Variants in TSHZ2 observed in about 807,000 individuals in gnomAD.
TSHZ2 encodes the protein teashirt homolog 2.
A neutral mutation model predicts 74.4 loss-of-function variants in TSHZ2; 21 were observed. That is an observed-to-expected ratio of 0.28 (90% CI 0.20 to 0.41). The LOEUF (loss-of-function observed/expected upper bound fraction) is 0.41, where lower values mean the gene tolerates loss of function less well. Ranked by LOEUF, TSHZ2 falls within the 10% of genes least tolerant of loss-of-function variation. The pLI is 1.00. For missense variants in TSHZ2, 1,244 were observed against 1,293.5 expected, an observed-to-expected ratio of 0.96 and a Z score of 0.59; for synonymous variants, 540 against 515.3, an observed-to-expected ratio of 1.05 and a Z score of -0.65.
At position 53,199,347 on chromosome 20, in the gene TSHZ2, G is replaced by A. The variant is rs553444319; in HGVS notation, c.41-54152G>A. ...AAATCAGCCAGGCGTGGTGGCACAC[G>A]CCTGTAATCCCAGCTACTCAGGAAG... On this transcript the variant is annotated intron_variant, in intron 1 of 2. Transcript: ENST00000371497. 9.2e-5 allele frequency among the ~76,000 whole-genome samples: 14 copies of A among 152,180 alleles called. No individual in the cohort carries two copies. In the East Asian group the frequency reaches 1.4e-3, roughly 15 times the overall value.
chr20:53,342,745 T>A (rs961826904), intron 2 of TSHZ2, among the ~76,000 whole-genome samples: 14 of 152,230 alleles, frequency 9.2e-5, no homozygotes, highest in Non-Finnish European at 1.9e-4. Context: ...GCAATCTTTA[T>A]GCTCTGTCTT....
intron 2 of TSHZ2, among the ~76,000 whole-genome samples, chr20:53,462,478 TTTG>T (rs1246443757): frequency 1.3e-5 from 2 of 152,068 alleles, no homozygotes; most frequent in Non-Finnish European, 2.9e-5. Flanking sequence ...CAATAAAGCT[TTTG>T]TTGTTATTCC....
intron 2 of TSHZ2, among the ~76,000 whole-genome samples, chr20:53,414,243 G>C (rs1209918510): frequency 6.6e-6 from 1 of 152,138 alleles, no homozygotes; most frequent in African/African-American, 2.4e-5. Flanking sequence ...CGGGTTACAG[G>C]GGTACTTTAT....
At chr20:53,367,869 C>G (rs1482812875) in intron 2 of TSHZ2, among the ~76,000 whole-genome samples, 1 of 152,130 alleles carries the variant, frequency 6.6e-6, no homozygotes, top group East Asian at 1.9e-4. Context: ...CCACGCCCAG[C>G]CTTCTTATTC....
chr20:53,233,327 A>G (rs1159802371), intron 1 of TSHZ2, among the ~76,000 whole-genome samples: 1 of 152,238 alleles, frequency 6.6e-6, no homozygotes, highest in African/African-American at 2.4e-5. Flanking sequence ...TAACAATTAC[A>G]CAAATAATTG....
chr20:53,315,890 C>T (rs1008212402), intron 2 of TSHZ2, among the ~76,000 whole-genome samples: 3 of 152,062 alleles, frequency 2.0e-5, no homozygotes, highest in African/African-American at 4.8e-5. Context: ...TCCTAGAGGA[C>T]GTGATGTTTC....
At chr20:53,390,785 A>T (rs1020375121) in intron 2 of TSHZ2, among the ~76,000 whole-genome samples, 1 of 152,174 alleles carries the variant, frequency 6.6e-6, no homozygotes, top group African/African-American at 2.4e-5. Context: ...AAGCATTCCT[A>T]TTTCTCCACA....
chr20:53,393,817 A>T (rs1379086209), intron 2 of TSHZ2, among the ~76,000 whole-genome samples: 1 of 152,240 alleles, frequency 6.6e-6, no homozygotes, highest in Non-Finnish European at 1.5e-5. Context: ...GGGAGGTTAC[A>T]TAGGACTCTA....
At chr20:52,997,459 G>A (rs1489244007) in intron 1 of TSHZ2, among the ~76,000 whole-genome samples, 1 of 152,122 alleles carries the variant, frequency 6.6e-6, no homozygotes, top group South Asian at 2.1e-4. Context: ...AATATGAGAC[G>A]AATTCGTGTT....
chr20:53,364,372 AGCAT>A (rs1452479024), intron 2 of TSHZ2, among the ~76,000 whole-genome samples: 3 of 152,370 alleles, frequency 2.0e-5, no homozygotes, highest in Admixed American at 1.3e-4. Context: ...CTTCCCGCTC[AGCAT>A]GTTCAAACAA....
chr20:53,130,716 G>A (rs954454634), intron 1 of TSHZ2, among the ~76,000 whole-genome samples: 16 of 152,218 alleles, frequency 1.1e-4, no homozygotes, highest in Non-Finnish European at 1.2e-4. Context: ...GTGGTTAGGA[G>A]AGAAGATCTC....
intron 2 of TSHZ2, among the ~76,000 whole-genome samples, chr20:53,281,244 G>T (rs536482461): frequency 6.6e-6 from 1 of 152,298 alleles, no homozygotes; most frequent in East Asian, 1.9e-4. Context: ...TGACATTTTT[G>T]CTGAGACCTA....
intron 1 of TSHZ2, among the ~76,000 whole-genome samples, chr20:53,147,244 A>AGTGACG: frequency 6.6e-6 from 1 of 152,358 alleles, no homozygotes; most frequent in South Asian, 2.1e-4. Flanking sequence ...TTTTAGTGAC[A>AGTGACG]ATTGATGGGT....
In TSHZ2 at chr20:53,278,853, G is replaced by T. The variant is rs373678430; in HGVS notation, c.*8+22282G>T. ...TACAGCTGACCCTTGAACAATGAGGGAGTTAGCAGTGCTGATCCTCTGCAT... is the reference window on the plus strand; with the variant it reads ...TACAGCTGACCCTTGAACAATGAGGTAGTTAGCAGTGCTGATCCTCTGCAT... On this transcript the variant is annotated intron_variant, in intron 2 of 2. Transcript: ENST00000371497. Among the ~76,000 whole-genome samples, 11 of 152,246 alleles carry T rather than the reference G, an allele frequency of 7.2e-5. No homozygotes were observed. The East Asian group carries it at 1.7e-3, about 24-fold the overall frequency.
intron 2 of TSHZ2, among the ~76,000 whole-genome samples, chr20:53,394,590 G>T: frequency 6.6e-6 from 1 of 151,802 alleles, no homozygotes. Context: ...AGGTCAAAAG[G>T]CAATTGATTA....
At chr20:53,311,240 G>A (rs1394741393) in intron 2 of TSHZ2, among the ~76,000 whole-genome samples, 6 of 152,190 alleles carry the variant, frequency 3.9e-5, no homozygotes, top group Non-Finnish European at 8.8e-5. Context: ...CACTTATTTT[G>A]TGTATTACTA....
chr20:53,043,823 T>C (rs1377145619), intron 1 of TSHZ2, among the ~76,000 whole-genome samples: 1 of 152,132 alleles, frequency 6.6e-6, no homozygotes, highest in East Asian at 1.9e-4. Context: ...ATTGTTTTCA[T>C]GGACAGCCAA....
intron 1 of TSHZ2, among the ~76,000 whole-genome samples, chr20:53,086,836 A>G (rs1288372501): frequency 2.6e-5 from 4 of 152,240 alleles, no homozygotes; most frequent in African/African-American, 9.6e-5. Context: ...GGATATAGCA[A>G]TGAACCAATC....
At chr20:53,090,530 G>A (rs1474423654) in intron 1 of TSHZ2, among the ~76,000 whole-genome samples, 1 of 152,176 alleles carries the variant, frequency 6.6e-6, no homozygotes, top group Non-Finnish European at 1.5e-5. Context: ...AAGATTTTAA[G>A]CAGCAGAATT....
Sources: gnomAD v4.1 joint callset for allele counts (sites outside exome capture counted in the v4.1 genomes callset) on GRCh38, gnomAD v4.1.1 for gene constraint, MANE v1.5 for transcripts, NCBI Gene and HGNC (gene_info 2026-07-23, HGNC 2026-07-21) for gene names.